Variants in CSRP1 observed in about 807,000 individuals in gnomAD.
The protein encoded by CSRP1 is cysteine and glycine-rich protein 1.
A neutral mutation model predicts 25.4 loss-of-function variants in CSRP1; 16 were observed. The observed-to-expected ratio is 0.63, with a 90% CI of 0.43 to 0.96. CSRP1 has a LOEUF of 0.96. CSRP1 is among the 40% of genes least tolerant of loss of function. The pLI, the probability that CSRP1 is intolerant of heterozygous loss-of-function variation, is 0.00. For synonymous variants in CSRP1, 97 were observed against 95.3 expected, an observed-to-expected ratio of 1.02 and a Z score of -0.10; for missense variants, 212 against 243.6, an observed-to-expected ratio of 0.87 and a Z score of 0.86.
At chr1:201,500,538 G>C (rs1346148352) in intron 1 of CSRP1, among the ~76,000 whole-genome samples, 2 of 152,268 alleles carry the variant, frequency 1.3e-5, no homozygotes, top group African/African-American at 4.8e-5. Context: ...AGGGTGGGGG[G>C]TCTCCCCTCA....
chr1:201,490,404 A>G (rs1201652494), intron 2 of CSRP1, 60 bp from the exon 3 acceptor site: 3 of 1,549,632 alleles, frequency 1.9e-6, no homozygotes, highest in Middle Eastern at 2.0e-4. Flanking sequence ...CTTCTTGCTC[A>G]TTGCAAGCTT....
chr1:201,485,242 C>G, intron 5 of CSRP1, 41 bp downstream of exon 5: 1 of 1,587,638 alleles, frequency 6.3e-7, no homozygotes, highest in South Asian at 1.1e-5. Flanking sequence ...CCCCTACCCC[C>G]TTGGGCCTCC....
At chr1:201,490,646 G>T (rs1159636795) in intron 2 of CSRP1, 10 of 287,164 alleles carry the variant, frequency 3.5e-5, no homozygotes, top group Non-Finnish European at 6.1e-5. Context: ...TGCAACACAG[G>T]GTTCAGAGGC....
At chr1:201,504,367 G>A (rs1440367395) in intron 1 of CSRP1, among the ~76,000 whole-genome samples, 2 of 152,178 alleles carry the variant, frequency 1.3e-5, no homozygotes, top group African/African-American at 4.8e-5. Context: ...GCAGATATCT[G>A]GTTATCCTTA....
chr1:201,505,595 C>T (rs1316312496), intron 1 of CSRP1, among the ~76,000 whole-genome samples: 1 of 152,226 alleles, frequency 6.6e-6, no homozygotes, highest in Non-Finnish European at 1.5e-5. Context: ...ACTACACCCT[C>T]TGCAGGATAA....
At chr1:201,496,143 C>T (rs2102411158) in intron 2 of CSRP1, 49 bp downstream of exon 2, 1 of 1,460,990 alleles carries the variant, frequency 6.8e-7, no homozygotes, top group Non-Finnish European at 9.6e-7. Flanking sequence ...GGGGGCAGGC[C>T]CGTCCAGGGT....
chr1:201,485,573 G>A, intron 4 of CSRP1, 197 bp from the exon 5 acceptor site: 11 of 578,984 alleles, frequency 1.9e-5, no homozygotes, highest in South Asian at 1.7e-4. Flanking sequence ...ACGCCACCTC[G>A]CACCATCTTC....
rs755219938 is a variant in CSRP1, at chr1:201,496,193, G to A, written c.111C>T (p.Cys37=). ...CAATAGGGCCTGGGGCGTACTCACT[G>A]CACAGGAAGCAGGATTTATGGAAGC... ...GNSFHKSCFL[C]MVCKKNLDST... Residue 37 remains cysteine, a splice_region_variant and synonymous_variant, in exon 2 of 6, where the codon TGC becomes TGT. Transcript: ENST00000340006. 10 of 1,613,240 alleles carry A rather than the reference G, an allele frequency of 6.2e-6. No individual in the cohort carries two copies. Among genetic ancestry groups the A allele is most frequent in the Non-Finnish European group, 8.5e-6 (10 of 1,179,264 alleles).
intron 2 of CSRP1, chr1:201,491,796 G>C (rs1664346417): frequency 6.6e-6 from 1 of 152,202 alleles, no homozygotes; most frequent in Admixed American, 6.5e-5. Flanking sequence ...TAGAAACCGA[G>C]GGATACCACT....
At chr1:201,493,640 A>C (rs1457681255) in intron 2 of CSRP1, among the ~76,000 whole-genome samples, 1 of 152,222 alleles carries the variant, frequency 6.6e-6, no homozygotes, top group Non-Finnish European at 1.5e-5. Context: ...TAATACAGGC[A>C]TGTAGGTGGG....
chr1:201,484,125 G>A lies in CSRP1; in HGVS notation c.*588C>T, dbSNP rs1664057045. The A allele has an allele frequency of 1.5e-6, 1 of 660,846 alleles. No homozygotes were observed. Among genetic ancestry groups the A allele is most frequent in the Admixed American group, 2.0e-5 (1 of 48,988 alleles). The allele number at this position is 660,846 out of a possible 1,614,324, so 40.9% of individuals were successfully genotyped here. On this transcript the variant is annotated 3_prime_UTR_variant, in exon 6 of 6. Transcript: ENST00000340006. ...CTATCCATTCCACAAAGACTCAAAG[G>A]CAAGAGGCCTGGAGAAGCAGGGGCT...
intron 4 of CSRP1, chr1:201,488,383 G>A (rs1012194552): frequency 6.5e-6 from 1 of 152,876 alleles, no homozygotes; most frequent in Non-Finnish European, 1.5e-5. Context: ...CTCTGCCCTG[G>A]GGGTATTTGG....
At chr1:201,498,756 G>A (rs1002106434) in intron 1 of CSRP1, among the ~76,000 whole-genome samples, 8 of 152,182 alleles carry the variant, frequency 5.3e-5, no homozygotes, top group African/African-American at 1.9e-4. Flanking sequence ...CACTAATATC[G>A]AAAGCCACAG....
chr1:201,485,576 C>T (rs1664109177), intron 4 of CSRP1, 200 bp from the exon 5 acceptor site: 1 of 577,950 alleles, frequency 1.7e-6, no homozygotes, highest in East Asian at 2.8e-5. Flanking sequence ...CCACCTCGCA[C>T]CATCTTCCAT....
intron 1 of CSRP1, among the ~76,000 whole-genome samples, chr1:201,502,218 G>A (rs1371306656): frequency 2.0e-5 from 3 of 152,156 alleles, no homozygotes; most frequent in African/African-American, 7.2e-5. Context: ...GGGCCAAAGA[G>A]TGACTGACGG....
chr1:201,490,126 G>T, intron 3 of CSRP1, 50 bp downstream of exon 3: 1 of 1,572,354 alleles, frequency 6.4e-7, no homozygotes, highest in South Asian at 1.2e-5. Context: ...CCTAATACAG[G>T]GTGGGGGAGA....
At chr1:201,488,819 T>A (rs1664232447) in intron 4 of CSRP1, 36 bp downstream of exon 4, 1 of 1,604,264 alleles carries the variant, frequency 6.2e-7, no homozygotes. Context: ...GGAAGATATC[T>A]CCCCCCATCC....
intron 3 of CSRP1, 131 bp from the exon 4 acceptor site, chr1:201,489,115 G>C: frequency 1.7e-6 from 2 of 1,181,808 alleles, no homozygotes; most frequent in Non-Finnish European, 2.4e-6. Context: ...AAGTCACAAA[G>C]GCTAGGGCCT....
At chr1:201,485,245 G>A (rs200176706) in intron 5 of CSRP1, 38 bp downstream of exon 5, 307 of 1,586,684 alleles carry the variant, frequency 1.9e-4, no homozygotes, top group Non-Finnish European at 2.5e-4. Flanking sequence ...CTACCCCCTT[G>A]GGCCTCCTGA....
Sources: allele counts gnomAD v4.1 joint callset (sites outside exome capture counted in the v4.1 genomes callset), GRCh38; gene constraint gnomAD v4.1.1; transcripts MANE v1.5; gene names NCBI Gene and HGNC (gene_info 2026-07-23, HGNC 2026-07-21).